The following PLEKHA8 variants were observed in gnomAD, a reference collection of about 807,000 sequenced individuals.
PLEKHA8 encodes the protein pleckstrin homology domain containing A8.
PLEKHA8 carries 36 observed loss-of-function variants against 68.2 expected under a neutral mutation model. The observed-to-expected ratio is 0.53, with a 90% confidence interval of 0.40 to 0.70. The LOEUF (loss-of-function observed/expected upper bound fraction) is 0.70, where lower values mean the gene tolerates loss of function less well. Ranked by LOEUF, PLEKHA8 falls within the 30% of genes least tolerant of loss-of-function variation. The pLI, the probability that PLEKHA8 is intolerant of heterozygous loss-of-function variation, is 0.00. For synonymous variants in PLEKHA8, 211 were observed against 216.1 expected (o/e 0.98, Z 0.20); for missense variants, 505 against 615.4 (o/e 0.82, Z 1.90).
chr7:30,109,134 C>G (rs1287398534), intron 13 of PLEKHA8, among the ~76,000 whole-genome samples: 1 of 152,172 alleles, frequency 6.6e-6, no homozygotes, highest in Non-Finnish European at 1.5e-5. Context: ...CTCTTTCTCT[C>G]TCTCTATAAA....
intron 13 of PLEKHA8, among the ~76,000 whole-genome samples, chr7:30,098,854 G>A (rs1450384666): frequency 6.6e-6 from 1 of 152,236 alleles, no homozygotes; most frequent in African/African-American, 2.4e-5. Context: ...TCCCCAGTGA[G>A]ATAAACCCGG....
At chr7:30,043,006 T>TTTTGTTTG (rs139576666) in intron 1 of PLEKHA8, among the ~76,000 whole-genome samples, 1,548 of 151,880 alleles carry the variant, frequency 0.01, 17 homozygotes, top group East Asian at 0.04. Flanking sequence ...GCATCACCTT[T>TTTTGTTTG]TTTGTTTGTT....
At chr7:30,052,654 A>AG in intron 6 of PLEKHA8, 55 bp from the exon 7 acceptor site, 1 of 1,435,210 alleles carries the variant, frequency 7.0e-7, no homozygotes, top group East Asian at 2.5e-5. Context: ...AAAAAAAAAA[A>AG]AAAAAAGACC....
intron 13 of PLEKHA8, among the ~76,000 whole-genome samples, chr7:30,098,387 C>T (rs1795714830): frequency 6.6e-6 from 1 of 152,264 alleles, no homozygotes; most frequent in Non-Finnish European, 1.5e-5. Flanking sequence ...GCAGAGGTTA[C>T]TGCTGCCTTT....
intron 1 of PLEKHA8, among the ~76,000 whole-genome samples, chr7:30,042,485 C>T (rs536964798): frequency 6.6e-6 from 1 of 152,306 alleles, no homozygotes; most frequent in African/African-American, 2.4e-5. Flanking sequence ...CACCAACCAG[C>T]ATCATGGGAG....
intron 1 of PLEKHA8, among the ~76,000 whole-genome samples, chr7:30,034,048 A>T (rs1164407151): frequency 1.0e-5 from 1 of 95,484 alleles, no homozygotes; most frequent in Non-Finnish European, 1.9e-5. Context: ...TTTTTGAGAC[A>T]GAGTCTTACT....
chr7:30,089,570 G>C (rs1016230745), downstream of PLEKHA8, among the ~76,000 whole-genome samples: 36 of 152,208 alleles, frequency 2.4e-4, no homozygotes, highest in African/African-American at 8.2e-4. Flanking sequence ...CTGTATGAAA[G>C]CAAATACCTG....
At position 30,097,521 on chromosome 7, in the gene PLEKHA8, C is replaced by T. The variant is rs191999121; in HGVS notation, c.1362+23389C>T. On this transcript the variant is annotated intron_variant, in intron 13 of 13. Transcript: ENST00000396257. ...TCCCATATTTCTTGGAGGCTTTGTT[C>T]GTTTCTTTTTATTCTTTTTTCTCTA... Among the ~76,000 whole-genome samples, 114 of 152,282 alleles carry T rather than the reference C, an allele frequency of 7.5e-4. No homozygotes were observed. The East Asian group carries it at 0.015, about 20-fold the overall frequency.
chr7:30,096,432 G>A (rs1170316014), intron 13 of PLEKHA8, among the ~76,000 whole-genome samples: 5 of 152,162 alleles, frequency 3.3e-5, no homozygotes, highest in African/African-American at 7.2e-5. Flanking sequence ...GGGCTGAGAC[G>A]ATGGGGTTTT....
At position 30,073,908 on chromosome 7, in the gene PLEKHA8, T is replaced by G. The variant is rs1253965152; in HGVS notation, c.1301-163T>G. Among the ~76,000 whole-genome samples, 3 of 152,020 alleles carry G rather than the reference T, an allele frequency of 2.0e-5. No individual in the cohort carries two copies. The East Asian group carries it at 5.8e-4, about 29-fold the overall frequency. On this transcript the variant is annotated intron_variant, in intron 12 of 13. Coordinates refer to ENST00000449726, the MANE Select transcript of PLEKHA8 (RefSeq NM_001197026.2). ...GTGGAGCTGAGGCAGGAGGATCACTTGAGCGCAGGAGTTCAAGGCTGCAAC... is the reference window on the plus strand; with the variant it reads ...GTGGAGCTGAGGCAGGAGGATCACTGGAGCGCAGGAGTTCAAGGCTGCAAC...
chr7:30,089,452 A>G (rs1223349168), downstream of PLEKHA8, among the ~76,000 whole-genome samples: 1 of 152,162 alleles, frequency 6.6e-6, no homozygotes, highest in African/African-American at 2.4e-5. Context: ...TGATGCTTAA[A>G]TATTTTCAGT....
At chr7:30,095,077 T>C (rs2128007858), downstream of PLEKHA8, among the ~76,000 whole-genome samples, 1 of 152,284 alleles carries the variant, frequency 6.6e-6, no homozygotes, top group South Asian at 2.1e-4. Flanking sequence ...TATTTCTAGT[T>C]CTAGATCCCT....
At chr7:30,056,392 T>C (rs1792932235) in intron 9 of PLEKHA8, among the ~76,000 whole-genome samples, 1 of 129,958 alleles carries the variant, frequency 7.7e-6, no homozygotes, top group Non-Finnish European at 1.6e-5. Context: ...ATATAATATA[T>C]ATAACACATA....
intron 12 of PLEKHA8, among the ~76,000 whole-genome samples, chr7:30,070,079 C>T (rs1794132245): frequency 6.6e-6 from 1 of 151,884 alleles, no homozygotes; most frequent in Non-Finnish European, 1.5e-5. Context: ...CCATCAGTCT[C>T]ACATGGCAGG....
chr7:30,071,094 G>A (rs1794207018), intron 12 of PLEKHA8, among the ~76,000 whole-genome samples: 1 of 152,172 alleles, frequency 6.6e-6, no homozygotes, highest in South Asian at 2.1e-4. Context: ...ATCTCTGGGA[G>A]AAAGGATTAT....
chr7:30,116,193 C>CATACACGTATATACATA (rs1281282009), intron 13 of PLEKHA8, among the ~76,000 whole-genome samples: 3 of 149,908 alleles, frequency 2.0e-5, no homozygotes, highest in Non-Finnish European at 4.5e-5. Context: ...CATACGCATA[C>CATACACGTATATACATA]ATACACGTAT....
rs1796458892 is a variant in PLEKHA8 at position 30,115,803 on chromosome 7, TACAC to T, written c.1363-13462_1363-13459del. On this transcript the variant is annotated intron_variant, in intron 13 of 13. Coordinates refer to the PLEKHA8 transcript ENST00000396257. ...GCATACATACGTGCACATACATGTA[TACAC>T]GCATGCATGTATACATGCGTGCACA... is the stretch of plus-strand genomic sequence containing the variant. 1.4e-5 allele frequency: 2 copies of T among 140,594 alleles called. 1 individual carries two copies. Among genetic ancestry groups the T allele is most frequent in the Non-Finnish European group, 3.1e-5 (2 of 64,870 alleles). The allele number at this position is 140,594 out of a possible 1,614,324, so 8.7% of individuals were successfully genotyped here. A position where few individuals can be genotyped will look rare whatever the true frequency, so the allele number is the denominator to read the frequency against.
At chr7:30,116,255 T>C (rs1046506122) in intron 13 of PLEKHA8, among the ~76,000 whole-genome samples, 6 of 151,056 alleles carry the variant, frequency 4.0e-5, no homozygotes, top group Admixed American at 1.3e-4. Context: ...CATGTACACG[T>C]ATACATGCAT....
chr7:30,069,394 G>A (rs1478527303), intron 12 of PLEKHA8, among the ~76,000 whole-genome samples: 4 of 152,092 alleles, frequency 2.6e-5, no homozygotes, highest in African/African-American at 4.8e-5. Context: ...CATTTCTCTC[G>A]TCTTCTCTAT....
Sources: gnomAD v4.1 joint callset for allele counts (sites outside exome capture counted in the v4.1 genomes callset) on GRCh38, gnomAD v4.1.1 for gene constraint, MANE v1.5 for transcripts, NCBI Gene and HGNC (gene_info 2026-07-23, HGNC 2026-07-21) for gene names.